Variants in PRKG2 observed in about 807,000 individuals in gnomAD.
The protein encoded by PRKG2 is protein kinase cGMP-dependent 2.
A neutral mutation model predicts 97.2 loss-of-function variants in PRKG2; 33 were observed. The ratio of observed to expected loss-of-function variants is 0.34; its 90% CI spans 0.26 to 0.45. The LOEUF (loss-of-function observed/expected upper bound fraction) is 0.45, where lower values mean the gene tolerates loss of function less well. PRKG2 is among the 20% of genes least tolerant of loss of function. PRKG2 has a pLI of 1.00. For synonymous variants in PRKG2, 330 were observed against 321.8 expected (o/e 1.03, Z -0.27); for missense variants, 638 against 900.0 (o/e 0.71, Z 3.73).
chr4:81,181,230 A>G (rs1751382066), intron 2 of PRKG2, among the ~76,000 whole-genome samples: 1 of 152,186 alleles, frequency 6.6e-6, no homozygotes, highest in Admixed American at 6.5e-5. Context: ...CTAGAAATTA[A>G]TAACAGAAAA....
intron 4 of PRKG2, among the ~76,000 whole-genome samples, chr4:81,170,983 C>A (rs17005079): frequency 3.9e-5 from 6 of 152,000 alleles, no homozygotes; most frequent in South Asian, 4.1e-4. Flanking sequence ...GCAGAACAAA[C>A]CTTTTTATTT....
chr4:81,192,077 A>G (rs1752571019), intron 2 of PRKG2: 1 of 152,238 alleles, frequency 6.6e-6, no homozygotes. Flanking sequence ...CCTATAAATC[A>G]TAGAATGATT....
intron 1 of PRKG2, among the ~76,000 whole-genome samples, chr4:81,213,612 G>A (rs749561381): frequency 1.3e-5 from 2 of 152,058 alleles, no homozygotes; most frequent in Non-Finnish European, 2.9e-5. Flanking sequence ...TTCATGTGAG[G>A]GATTTTTAAA....
At chr4:81,197,574 C>T (rs565076332) in intron 2 of PRKG2, among the ~76,000 whole-genome samples, 1 of 152,052 alleles carries the variant, frequency 6.6e-6, no homozygotes, top group African/African-American at 2.4e-5. Flanking sequence ...CTAGTGATAA[C>T]CATGGGCTAG....
At position 81,089,003 on chromosome 4, in the gene PRKG2, A is replaced by C. The variant is rs749307357; in HGVS notation, c.*705T>G. On this transcript the variant is annotated 3_prime_UTR_variant, in exon 19 of 19. Transcript: ENST00000264399. ...TCGAAAAGTCTCTAAGGTATCACTG[A>C]TCATAAAGGAGAGAAAATATTTCTT... is the stretch of plus-strand genomic sequence containing the variant. 1.3e-5 allele frequency: 2 copies of C among 152,216 alleles called. No homozygotes were observed. The highest frequency in any genetic ancestry group is 2.9e-5 in the Non-Finnish European group (2 of 68,030). The allele number at this position is 152,216 out of a possible 1,614,324, so 9.4% of individuals were successfully genotyped here.
intron 17 of PRKG2, 61 bp from the exon 18 acceptor site, chr4:81,092,513 G>GAAGGAAGT: frequency 1.0e-6 from 1 of 983,292 alleles, no homozygotes; most frequent in Non-Finnish European, 1.5e-6. Context: ...AGGAAGGAAG[G>GAAGGAAGT]GAGAAAGAAA....
At chr4:81,194,177 T>C (rs1277311050) in intron 2 of PRKG2, among the ~76,000 whole-genome samples, 1 of 152,200 alleles carries the variant, frequency 6.6e-6, no homozygotes, top group Non-Finnish European at 1.5e-5. Flanking sequence ...GTTTTTCTTA[T>C]TACTTAATAC....
upstream of PRKG2, among the ~76,000 whole-genome samples, chr4:81,217,160 T>G (rs1370203469): frequency 6.6e-6 from 1 of 151,566 alleles, no homozygotes; most frequent in African/African-American, 2.4e-5. Context: ...TGCAAAGTCC[T>G]TACATTTCAT....
chr4:81,201,567 T>C (rs1753316357), intron 2 of PRKG2, among the ~76,000 whole-genome samples: 2 of 152,122 alleles, frequency 1.3e-5, no homozygotes, highest in African/African-American at 4.8e-5. Context: ...TACAGGACAA[T>C]AAAGCTGGCA....
chr4:81,205,885 T>C (rs778897498), intron 1 of PRKG2, among the ~76,000 whole-genome samples: 5 of 152,240 alleles, frequency 3.3e-5, no homozygotes, highest in Non-Finnish European at 5.9e-5. Flanking sequence ...AGTGAGTCTC[T>C]GGATGTGGTA....
chr4:81,187,583 C>T (rs187293652), intron 2 of PRKG2, among the ~76,000 whole-genome samples: 156 of 152,242 alleles, frequency 1.0e-3, no homozygotes, highest in African/African-American at 3.7e-3. Flanking sequence ...CTCACCACTC[C>T]TATTCAACAT....
At chr4:81,168,513 C>G (rs1750189642) in intron 5 of PRKG2, among the ~76,000 whole-genome samples, 2 of 152,104 alleles carry the variant, frequency 1.3e-5, no homozygotes, top group Non-Finnish European at 2.9e-5. Context: ...AACCCAGGCA[C>G]ACTGGTTTTT....
rs17005084 is a variant in PRKG2, at chr4:81,175,196, T to A, written c.462-237A>T. Among the ~76,000 whole-genome samples the A allele has an allele frequency of 0.031, 4,792 of 152,128 alleles. 559 individuals carry two copies. In the East Asian group the frequency reaches 0.41, roughly 13 times the overall value. The stretch of plus-strand genomic sequence containing the variant: ...GATAGTCATCATGACACCAATATTA[T>A]CATTCCTAATTGCCATCACCACAAA... On this transcript the variant is annotated intron_variant, in intron 2 of 18. Coordinates refer to ENST00000264399, the MANE Select transcript of PRKG2 (RefSeq NM_006259.3).
At chr4:81,199,345 T>A (rs763309435) in intron 2 of PRKG2, among the ~76,000 whole-genome samples, 2 of 152,114 alleles carry the variant, frequency 1.3e-5, no homozygotes, top group Non-Finnish European at 2.9e-5. Flanking sequence ...TAAAAAAAAT[T>A]ATTTCTGATT....
intron 2 of PRKG2, among the ~76,000 whole-genome samples, chr4:81,196,737 T>A (rs1752982199): frequency 6.6e-6 from 1 of 151,628 alleles, no homozygotes; most frequent in Admixed American, 6.6e-5. Flanking sequence ...AAATATTCTC[T>A]GGCCATTCCT....
Position 81,204,733 on chromosome 4 carries a change from G to T in PRKG2, c.315C>A (p.Val105=), listed in dbSNP as rs758274341. The T allele has an allele frequency of 3.2e-5, 52 of 1,614,072 alleles. No homozygotes were observed. The highest frequency in any genetic ancestry group is 4.0e-5 in the Non-Finnish European group (47 of 1,180,034). The change falls in exon 2 of 19, where the codon GTC becomes GTA. Residue 105 remains valine, a synonymous_variant. Coordinates refer to ENST00000264399, the MANE Select transcript of PRKG2 (RefSeq NM_006259.3). ...AGACCAATCCAGAGGTCTTCCGGTG[G>T]ACCTCAAGAGGCACTTTATCTGGAG... is the stretch of plus-strand genomic sequence containing the variant. ...QASPDKVPLE[V]HRKTSGLVSL...
intron 14 of PRKG2, among the ~76,000 whole-genome samples, chr4:81,115,125 TG>T (rs1578363720): frequency 1.3e-5 from 2 of 152,128 alleles, no homozygotes; most frequent in East Asian, 3.9e-4. Context: ...GCAGTAGAAA[TG>T]TATACAAGAG....
At chr4:81,213,918 G>A (rs1754134618) in intron 1 of PRKG2, among the ~76,000 whole-genome samples, 1 of 152,034 alleles carries the variant, frequency 6.6e-6, no homozygotes, top group East Asian at 1.9e-4. Flanking sequence ...GTCATACAGC[G>A]TTCCAACGGA....
intron 18 of PRKG2, among the ~76,000 whole-genome samples, chr4:81,091,785 T>C (rs1047851808): frequency 3.9e-5 from 6 of 152,266 alleles, no homozygotes; most frequent in African/African-American, 1.4e-4. Context: ...CTTCCTCCCA[T>C]GTTAGCTGAA....
Sources: gnomAD v4.1 joint callset for allele counts (sites outside exome capture counted in the v4.1 genomes callset) on GRCh38, gnomAD v4.1.1 for gene constraint, MANE v1.5 for transcripts, NCBI Gene and HGNC (gene_info 2026-07-23, HGNC 2026-07-21) for gene names.